TRPM3: variants seen among roughly 807,000 people sequenced by gnomAD.
TRPM3 encodes transient receptor potential cation channel subfamily M member 3, also known as long transient receptor potential channel 3.
Under a neutral mutation model 181.2 loss-of-function variants are expected in TRPM3, and 77 were observed. The observed-to-expected ratio is 0.42, with a 90% confidence interval of 0.35 to 0.51. The LOEUF is 0.51. Ranked by LOEUF, TRPM3 falls within the 20% of genes least tolerant of loss-of-function variation. TRPM3 has a pLI of 0.01. For missense variants in TRPM3, 1,759 were observed against 2,196.7 expected (o/e 0.80, Z 3.98); for synonymous variants, 745 against 796.4 (o/e 0.94, Z 1.09).
intron 1 of TRPM3, among the ~76,000 whole-genome samples, chr9:71,389,700 G>A (rs1259512752): frequency 6.6e-6 from 1 of 152,062 alleles, no homozygotes; most frequent in East Asian, 1.9e-4. Flanking sequence ...GGATGAGATT[G>A]GAGACTATTA....
At chr9:70,632,869 A>G (rs1025387993) in intron 12 of TRPM3, among the ~76,000 whole-genome samples, 20 of 152,232 alleles carry the variant, frequency 1.3e-4, no homozygotes, top group Non-Finnish European at 5.9e-5. Context: ...ATGCCTTCTA[A>G]TCATACAAGT....
chr9:71,360,613 C>T (rs552365308), intron 1 of TRPM3, among the ~76,000 whole-genome samples: 1 of 152,238 alleles, frequency 6.6e-6, no homozygotes, highest in East Asian at 1.9e-4. Context: ...CATGAGCTTG[C>T]AGTTTAGTAG....
intron 1 of TRPM3, among the ~76,000 whole-genome samples, chr9:71,390,894 C>T (rs1423703819): frequency 6.6e-6 from 1 of 151,744 alleles, no homozygotes; most frequent in Non-Finnish European, 1.5e-5. Context: ...GAAATGGGCC[C>T]TAGTGAGTGT....
At position 71,424,569 on chromosome 9, in the gene TRPM3, C is replaced by CT. The variant is rs373968175; in HGVS notation, c.183+22083dup. ...TATTACTGACAATGTTAGGTTTACT[C>CT]TGGTTTCCTCTTATTCTGAATGAGT... On this transcript the variant is annotated intron_variant, in intron 1 of 24. Transcript: ENST00000357533. 5.3e-3 allele frequency among the ~76,000 whole-genome samples: 810 copies of CT among 152,182 alleles called. 11 individuals are homozygous for CT. The highest frequency in any genetic ancestry group is 0.019 in the African/African-American group (778 of 41,538).
At chr9:71,427,608 A>T (rs1276293237) in intron 1 of TRPM3, among the ~76,000 whole-genome samples, 1 of 152,246 alleles carries the variant, frequency 6.6e-6, no homozygotes, top group East Asian at 1.9e-4. Context: ...TGTCATTTGC[A>T]GCAACTTGGA....
intron 1 of TRPM3, among the ~76,000 whole-genome samples, chr9:71,231,921 C>T (rs1451733361): frequency 2.6e-5 from 4 of 152,056 alleles, no homozygotes; most frequent in Admixed American, 6.6e-5. Flanking sequence ...ACCTAAAAGT[C>T]GAAAACACAC....
intron 1 of TRPM3, among the ~76,000 whole-genome samples, chr9:71,097,464 A>G (rs1251062637): frequency 6.6e-6 from 1 of 152,164 alleles, no homozygotes; most frequent in East Asian, 1.9e-4. Flanking sequence ...ATGTGAAAAT[A>G]TACGTACATT....
At chr9:71,159,455 T>C (rs1197255950) in intron 1 of TRPM3, among the ~76,000 whole-genome samples, 1 of 152,100 alleles carries the variant, frequency 6.6e-6, no homozygotes, top group East Asian at 1.9e-4. Flanking sequence ...GTCAATATAT[T>C]GAATCAAATA....
At chr9:71,049,819 C>T (rs1167406365) in intron 1 of TRPM3, among the ~76,000 whole-genome samples, 1 of 152,114 alleles carries the variant, frequency 6.6e-6, no homozygotes, top group Non-Finnish European at 1.5e-5. Flanking sequence ...CCTCTGTTTT[C>T]TAGTTCTGTA....
chr9:71,213,723 A>T (rs1206586905), intron 1 of TRPM3, among the ~76,000 whole-genome samples: 1 of 152,162 alleles, frequency 6.6e-6, no homozygotes, highest in Admixed American at 6.5e-5. Flanking sequence ...TTCTCAACAG[A>T]TTGTTACAAA....
intron 1 of TRPM3, among the ~76,000 whole-genome samples, chr9:71,175,870 TCAA>T (rs1032453919): frequency 1.3e-5 from 2 of 152,182 alleles, no homozygotes; most frequent in Non-Finnish European, 1.5e-5. Flanking sequence ...GGCATTTTGG[TCAA>T]CAACAGACCA....
chr9:70,533,536 G>A lies in TRPM3; in HGVS notation c.*2417C>T, dbSNP rs1040631480. On this transcript the variant is annotated 3_prime_UTR_variant, in exon 26 of 26. Coordinates refer to ENST00000677713, the MANE Select transcript of TRPM3 (RefSeq NM_001366145.2). The stretch of plus-strand genomic sequence containing the variant: ...GTTCCTTTCCCTCATAATCAATATA[G>A]AACCAGGGGCTCATGAACCCTTTCA... 3 of 152,086 alleles carry A rather than the reference G, an allele frequency of 2.0e-5. No homozygotes were observed. Among genetic ancestry groups the A allele is most frequent in the Non-Finnish European group, 4.4e-5 (3 of 68,026 alleles). The allele number at this position is 152,086 out of a possible 1,614,324, so 9.4% of individuals were successfully genotyped here.
chr9:70,741,508 A>T (rs914536158), intron 8 of TRPM3, among the ~76,000 whole-genome samples: 1 of 152,198 alleles, frequency 6.6e-6, no homozygotes, highest in Non-Finnish European at 1.5e-5. Context: ...ACAAAAAAAG[A>T]TACCTGCACA....
At chr9:71,383,181 C>A (rs933585496) in intron 1 of TRPM3, among the ~76,000 whole-genome samples, 2 of 152,156 alleles carry the variant, frequency 1.3e-5, no homozygotes, top group African/African-American at 4.8e-5. Flanking sequence ...TTAGCTCCAA[C>A]TGATACATAC....
chr9:71,170,451 A>T (rs1427622409), intron 1 of TRPM3, among the ~76,000 whole-genome samples: 1 of 152,192 alleles, frequency 6.6e-6, no homozygotes, highest in Non-Finnish European at 1.5e-5. Context: ...AAGAGTTTCC[A>T]TTAAGCTTCA....
At chr9:71,221,877 T>G (rs1490921613) in intron 1 of TRPM3, among the ~76,000 whole-genome samples, 1 of 152,174 alleles carries the variant, frequency 6.6e-6, no homozygotes, top group Non-Finnish European at 1.5e-5. Context: ...AATGTCTGCC[T>G]CAGAAGAAGC....
At chr9:70,760,180 A>G (rs2077846576) in intron 8 of TRPM3, among the ~76,000 whole-genome samples, 1 of 151,782 alleles carries the variant, frequency 6.6e-6, no homozygotes, top group African/African-American at 2.4e-5. Context: ...TGGTTTTATG[A>G]CTTCCCACTG....
intron 1 of TRPM3, among the ~76,000 whole-genome samples, chr9:70,905,302 A>T (rs1478707068): frequency 1.3e-5 from 2 of 152,216 alleles, no homozygotes; most frequent in African/African-American, 2.4e-5. Context: ...ATATTAAAGA[A>T]CACAAGTGCT....
At chr9:70,800,650 G>C (rs2088683705) in intron 6 of TRPM3, among the ~76,000 whole-genome samples, 1 of 152,094 alleles carries the variant, frequency 6.6e-6, no homozygotes. Flanking sequence ...TTAGTGAATA[G>C]TAATATATTT....
Sources: allele counts gnomAD v4.1 joint callset (sites outside exome capture counted in the v4.1 genomes callset), GRCh38; gene constraint gnomAD v4.1.1; transcripts MANE v1.5; gene names NCBI Gene and HGNC (gene_info 2026-07-23, HGNC 2026-07-21).